Variants in MALRD1 observed in about 807,000 individuals in gnomAD.
MALRD1 encodes the protein MAM and LDL receptor class A domain containing 1.
A neutral mutation model predicts 242.1 loss-of-function variants in MALRD1; 247 were observed. That is an observed-to-expected ratio of 1.02 (90% CI 0.92 to 1.13). MALRD1 has a LOEUF of 1.13. MALRD1 is among the 50% of genes most tolerant of loss of function. The pLI is 0.00. For missense variants in MALRD1, 2,989 were observed against 2,533.1 expected, an observed-to-expected ratio of 1.18 and a Z score of -3.86; for synonymous variants, 995 against 866.6, an observed-to-expected ratio of 1.15 and a Z score of -2.60.
chr10:19,650,585 A>G (rs1038481628), intron 36 of MALRD1, among the ~76,000 whole-genome samples: 11 of 152,200 alleles, frequency 7.2e-5, no homozygotes, highest in Admixed American at 6.5e-4. Flanking sequence ...AGTAAGAGAC[A>G]TAATAATAGC....
chr10:19,271,232 A>G (rs780371840), intron 19 of MALRD1, among the ~76,000 whole-genome samples: 2 of 152,242 alleles, frequency 1.3e-5, no homozygotes, highest in Admixed American at 6.5e-5. Flanking sequence ...ATTTTCATAT[A>G]ATAAAATACT....
At chr10:19,366,276 G>C (rs1349361411) in intron 26 of MALRD1, among the ~76,000 whole-genome samples, 2 of 151,746 alleles carry the variant, frequency 1.3e-5, no homozygotes, top group Non-Finnish European at 2.9e-5. Context: ...TCAGGCATTA[G>C]GTTCTCATAA....
In MALRD1 at chr10:19,271,634, A is replaced by G. The variant is rs574497223; in HGVS notation, c.3080-8413A>G. 2.0e-5 allele frequency among the ~76,000 whole-genome samples: 3 copies of G among 152,180 alleles called. No homozygotes were observed. In the South Asian group the frequency reaches 6.2e-4, roughly 32 times the overall value. ...AAAAACTAGCCAGGTGTGGTGGCAC[A>G]CACCTGTAGTCCCAGCTACTTGGGA... On this transcript the variant is annotated intron_variant, in intron 19 of 39. Coordinates refer to ENST00000454679, the MANE Select transcript of MALRD1 (RefSeq NM_001142308.3).
intron 36 of MALRD1, among the ~76,000 whole-genome samples, chr10:19,691,538 G>T (rs1329303146): frequency 6.6e-6 from 1 of 152,042 alleles, no homozygotes; most frequent in Non-Finnish European, 1.5e-5. Context: ...TTTGTATCCT[G>T]TTACTGATGT....
intron 17 of MALRD1, 130 bp downstream of exon 17, chr10:19,205,395 G>T: frequency 9.1e-7 from 1 of 1,099,092 alleles, no homozygotes; most frequent in Non-Finnish European, 1.3e-6. Flanking sequence ...TGTTATGTGT[G>T]GTTAATTAGT....
intron 18 of MALRD1, among the ~76,000 whole-genome samples, chr10:19,235,780 T>A (rs1441342785): frequency 6.6e-6 from 1 of 152,074 alleles, no homozygotes; most frequent in Non-Finnish European, 1.5e-5. Context: ...CTGGTGGGAA[T>A]AACAGGAGGA....
chr10:19,662,573 G>T (rs1841491815), intron 36 of MALRD1, among the ~76,000 whole-genome samples: 1 of 152,166 alleles, frequency 6.6e-6, no homozygotes, highest in South Asian at 2.1e-4. Context: ...ATATAAAGCA[G>T]TGTGTGCAGA....
intron 38 of MALRD1, among the ~76,000 whole-genome samples, chr10:19,716,528 G>C (rs778055267): frequency 6.6e-6 from 1 of 152,138 alleles, no homozygotes. Context: ...TATAGCCTGC[G>C]GAACTGTGAG....
Position 19,397,333 on chromosome 10 carries a change from T to C in MALRD1, c.4845+7724T>C, listed in dbSNP as rs144887701. Reference sequence around the variant, plus strand: ...TTTTAGGTCCTGCATATGAATGAGATCATGAGGTGTCTTTCTGTACCTGGT... The same window carrying C: ...TTTTAGGTCCTGCATATGAATGAGACCATGAGGTGTCTTTCTGTACCTGGT... On this transcript the variant is annotated intron_variant, in intron 28 of 39. Transcript: ENST00000454679. 6.9e-3 allele frequency among the ~76,000 whole-genome samples: 1,045 copies of C among 152,270 alleles called. 14 individuals are homozygous for C. Among genetic ancestry groups the C allele is most frequent in the African/African-American group, 0.024 (978 of 41,556 alleles).
rs550063379 is a variant in MALRD1, at chr10:19,066,930, C to T, written c.340+71C>T. The T allele has an allele frequency of 8.8e-6, 10 of 1,136,716 alleles. No homozygotes were observed. The South Asian group carries it at 1.3e-4, about 15-fold the overall frequency. 70.4% of individuals were successfully genotyped at this position (1,136,716 alleles called of 1,614,324 possible). A position where few individuals can be genotyped will look rare whatever the true frequency, so the allele number is the denominator to read the frequency against. ...TCCTTCCTTCCCTCCCTTCCTTCTTCGTTCTTTCCCACCTCCCTTTCTTCC... is the reference window on the plus strand; with the variant it reads ...TCCTTCCTTCCCTCCCTTCCTTCTTTGTTCTTTCCCACCTCCCTTTCTTCC... On this transcript the variant is annotated intron_variant, in intron 2 of 39. Coordinates refer to ENST00000454679, the MANE Select transcript of MALRD1 (RefSeq NM_001142308.3).
At chr10:19,105,768 C>T (rs1270273400) in intron 5 of MALRD1, among the ~76,000 whole-genome samples, 1 of 151,940 alleles carries the variant, frequency 6.6e-6, no homozygotes, top group African/African-American at 2.4e-5. Context: ...ATTTGCATTT[C>T]CCTGAGGATG....
chr10:19,164,279 TA>T (rs528060612), intron 12 of MALRD1, among the ~76,000 whole-genome samples: 1 of 151,806 alleles, frequency 6.6e-6, no homozygotes, highest in South Asian at 2.1e-4. Context: ...ACAATTTTTT[TA>T]AAAAAGCATT....
At chr10:19,179,155 A>G (rs1298521800) in intron 14 of MALRD1, among the ~76,000 whole-genome samples, 1 of 152,248 alleles carries the variant, frequency 6.6e-6, no homozygotes, top group Non-Finnish European at 1.5e-5. Context: ...CATCACTTAT[A>G]TGAGGTATCT....
At chr10:19,322,274 C>T (rs1030754210) in intron 21 of MALRD1, among the ~76,000 whole-genome samples, 2 of 151,846 alleles carry the variant, frequency 1.3e-5, no homozygotes, top group Non-Finnish European at 2.9e-5. Flanking sequence ...GGATATTTAA[C>T]GTATGATATA....
At chr10:19,647,135 A>G (rs1030710705) in intron 36 of MALRD1, among the ~76,000 whole-genome samples, 1 of 152,250 alleles carries the variant, frequency 6.6e-6, no homozygotes, top group Admixed American at 6.5e-5. Flanking sequence ...CTGAGGGTAC[A>G]GCTTGAAGCA....
intron 18 of MALRD1, among the ~76,000 whole-genome samples, chr10:19,247,597 C>G (rs565825733): frequency 6.6e-5 from 10 of 151,888 alleles, no homozygotes; most frequent in African/African-American, 2.4e-4. Context: ...TCAACATACC[C>G]TCAAATACCA....
intron 28 of MALRD1, 102 bp from the exon 29 acceptor site, chr10:19,450,205 T>C (rs1835241819): frequency 8.0e-6 from 8 of 997,564 alleles, no homozygotes; most frequent in Non-Finnish European, 2.9e-6. Context: ...TCAGTTTTTA[T>C]TGGTCAAATG....
At chr10:19,289,622 G>C (rs1292737932) in intron 21 of MALRD1, among the ~76,000 whole-genome samples, 2 of 152,058 alleles carry the variant, frequency 1.3e-5, no homozygotes, top group African/African-American at 2.4e-5. Flanking sequence ...GCCAAGGAAG[G>C]CTTGAGATTA....
chr10:19,696,767 T>A (rs1210035356), intron 38 of MALRD1, among the ~76,000 whole-genome samples: 3 of 149,192 alleles, frequency 2.0e-5, no homozygotes, highest in South Asian at 2.1e-4. Flanking sequence ...AAAAAAAAAA[T>A]TAGCCTGGTG....
Sources: gnomAD v4.1 joint callset for allele counts (sites outside exome capture counted in the v4.1 genomes callset) on GRCh38, gnomAD v4.1.1 for gene constraint, MANE v1.5 for transcripts, NCBI Gene and HGNC (gene_info 2026-07-23, HGNC 2026-07-21) for gene names.